Variants in PCDHA10 observed in about 807,000 individuals in gnomAD.
PCDHA10 encodes protocadherin alpha-10.
PCDHA10 carries 45 observed loss-of-function variants against 61.2 expected under a neutral mutation model. The observed-to-expected ratio is 0.74, with a 90% CI of 0.58 to 0.94. PCDHA10 has a LOEUF of 0.94. Ranked by LOEUF, PCDHA10 falls within the 40% of genes least tolerant of loss-of-function variation. The pLI, the probability that PCDHA10 is intolerant of heterozygous loss-of-function variation, is 0.00. For synonymous variants in PCDHA10, 602 were observed against 548.8 expected, an observed-to-expected ratio of 1.10 and a Z score of -1.35; for missense variants, 1,278 against 1,236.2, an observed-to-expected ratio of 1.03 and a Z score of -0.51.
chr5:140,931,649 G>A (rs2087653878), intron 1 of PCDHA10, among the ~76,000 whole-genome samples: 1 of 151,904 alleles, frequency 6.6e-6, no homozygotes, highest in African/African-American at 2.4e-5. Context: ...GCTAATAATT[G>A]TTGTGGGCTG....
intron 1 of PCDHA10, chr5:140,867,342 T>C (rs1397691528): frequency 6.6e-6 from 1 of 152,154 alleles, no homozygotes; most frequent in Non-Finnish European, 1.5e-5. Flanking sequence ...GATTAGAGGC[T>C]ACTATGATTG....
At chr5:140,980,730 A>G (rs1227353445) in intron 2 of PCDHA10, among the ~76,000 whole-genome samples, 2 of 152,176 alleles carry the variant, frequency 1.3e-5, no homozygotes, top group Non-Finnish European at 2.9e-5. Context: ...CAATTAAGAT[A>G]TTATGAGATT....
intron 1 of PCDHA10, among the ~76,000 whole-genome samples, chr5:140,904,096 T>C (rs2153483454): frequency 6.6e-6 from 1 of 152,312 alleles, no homozygotes; most frequent in Admixed American, 6.5e-5. Flanking sequence ...AATAACTACT[T>C]TAGTGGTCAT....
chr5:140,955,440 G>A (rs1332391978), intron 1 of PCDHA10, among the ~76,000 whole-genome samples: 3 of 152,022 alleles, frequency 2.0e-5, no homozygotes, highest in Admixed American at 2.0e-4. Context: ...TAGGTCTGAT[G>A]GTTTTATAAG....
chr5:140,884,504 G>A (rs782001863), intron 1 of PCDHA10: 5 of 1,614,180 alleles, frequency 3.1e-6, no homozygotes, highest in Admixed American at 3.3e-5. Flanking sequence ...CAGCGCGGCA[G>A]GGAGTTGGTC....
chr5:140,876,515 C>G (rs782705478), intron 1 of PCDHA10: 4 of 1,613,960 alleles, frequency 2.5e-6, no homozygotes, highest in Non-Finnish European at 3.4e-6. Flanking sequence ...GACAATGTCC[C>G]TGAAGTAATG....
intron 1 of PCDHA10, among the ~76,000 whole-genome samples, chr5:140,901,673 A>G (rs964267221): frequency 6.6e-6 from 1 of 152,056 alleles, no homozygotes; most frequent in Admixed American, 6.6e-5. Context: ...AGATACCTTT[A>G]GGTATTATGG....
chr5:140,969,418 TTAACAG>T (rs782375088), intron 1 of PCDHA10: 40 of 1,564,272 alleles, frequency 2.6e-5, no homozygotes, highest in Non-Finnish European at 3.4e-5. Context: ...TATTGAGTCA[TTAACAG>T]TGACAAGAGT....
At position 141,010,023 on chromosome 5, in the gene PCDHA10, C is replaced by T. The variant is rs1196328903; in HGVS notation, c.*86C>T. Reference sequence around the variant, plus strand: ...TGTAGCAATTCCCTGCTCCTTTTTCCTATCTACATGAGCCCTCTTAGAGAC... The same window carrying T: ...TGTAGCAATTCCCTGCTCCTTTTTCTTATCTACATGAGCCCTCTTAGAGAC... On this transcript the variant is annotated 3_prime_UTR_variant, in exon 4 of 4. Transcript: ENST00000307360. 10 of 1,571,304 alleles carry T rather than the reference C, an allele frequency of 6.4e-6. No homozygotes were observed. Among genetic ancestry groups the T allele is most frequent in the Non-Finnish European group, 8.6e-6 (10 of 1,163,016 alleles).
chr5:140,874,487 G>T (rs1194886650), intron 1 of PCDHA10, among the ~76,000 whole-genome samples: 11 of 152,214 alleles, frequency 7.2e-5, no homozygotes, highest in African/African-American at 2.2e-4. Flanking sequence ...GCAAAAGGTT[G>T]ATATCAAGTT....
chr5:140,905,809 A>C (rs1349964349), intron 1 of PCDHA10, among the ~76,000 whole-genome samples: 1 of 152,184 alleles, frequency 6.6e-6, no homozygotes, highest in East Asian at 1.9e-4. Context: ...GGACAGAATT[A>C]ATAGGCTAGA....
chr5:140,928,917 G>A (rs181013464), intron 1 of PCDHA10: 4 of 1,614,134 alleles, frequency 2.5e-6, no homozygotes, highest in Admixed American at 1.7e-5. Context: ...AACCAGGAGG[G>A]CAGCTTTCTG....
intron 1 of PCDHA10, among the ~76,000 whole-genome samples, chr5:140,937,805 G>A (rs1192616946): frequency 1.3e-5 from 2 of 149,798 alleles, no homozygotes; most frequent in African/African-American, 2.5e-5. Context: ...CCAGCTACTC[G>A]GGAAGCTGAG....
intron 1 of PCDHA10, chr5:140,866,190 G>C (rs1420527547): frequency 6.6e-6 from 1 of 152,128 alleles, no homozygotes; most frequent in African/African-American, 2.4e-5. Context: ...TCAGAAAACT[G>C]TGGTTTCCAA....
rs191954731 is a variant in PCDHA10 at position 140,913,936 on chromosome 5, A to G, written c.2388+55500A>G. Among the ~76,000 whole-genome samples the G allele has an allele frequency of 7.5e-3, 1,149 of 152,268 alleles. 4 individuals are homozygous for G. Among genetic ancestry groups the G allele is most frequent in the Admixed American group, 0.013 (194 of 15,286 alleles). ...AATTTTACTTCATTGTGGTCAGAGA[A>G]GAATCTTGATATGATATCATTTTTA... On this transcript the variant is annotated intron_variant, in intron 1 of 3. Transcript: ENST00000307360.
At chr5:140,998,287 G>A (rs1209811850) in intron 3 of PCDHA10, among the ~76,000 whole-genome samples, 3 of 152,154 alleles carry the variant, frequency 2.0e-5, no homozygotes, top group Non-Finnish European at 4.4e-5. Flanking sequence ...GATTAAATCA[G>A]ATCACACATT....
At chr5:140,937,316 C>T (rs1355509287) in intron 1 of PCDHA10, among the ~76,000 whole-genome samples, 7 of 152,044 alleles carry the variant, frequency 4.6e-5, no homozygotes, top group Admixed American at 3.9e-4. Context: ...GGATTACAGG[C>T]GTGAGCCACC....
chr5:141,000,391 C>CTATA (rs2097912428), intron 3 of PCDHA10, among the ~76,000 whole-genome samples: 2 of 56,664 alleles, frequency 3.5e-5, no homozygotes, highest in Non-Finnish European at 6.1e-5. Context: ...CTCTCTCTCT[C>CTATA]TCTCTATATA....
intron 1 of PCDHA10, among the ~76,000 whole-genome samples, chr5:140,900,220 A>G (rs2067832167): frequency 6.6e-6 from 1 of 152,132 alleles, no homozygotes; most frequent in South Asian, 2.1e-4. Context: ...GTTGTTGCAA[A>G]TGACTGGATC....
Sources: allele counts gnomAD v4.1 joint callset (sites outside exome capture counted in the v4.1 genomes callset), GRCh38; gene constraint gnomAD v4.1.1; transcripts MANE v1.5; gene names NCBI Gene and HGNC (gene_info 2026-07-23, HGNC 2026-07-21).